The following SGK3 variants were observed in gnomAD, a reference collection of about 807,000 sequenced individuals.
SGK3 encodes serum/glucocorticoid regulated kinase family member 3.
Under a neutral mutation model 68.5 loss-of-function variants are expected in SGK3, and 47 were observed. The ratio of observed to expected loss-of-function variants is 0.69; its 90% CI spans 0.54 to 0.87. SGK3 has a LOEUF of 0.87. SGK3 is among the 40% of genes least tolerant of loss of function. The probability of loss-of-function intolerance (pLI) is 0.00; values close to 1 mark genes in which losing one functional copy is unlikely to be tolerated. For synonymous variants in SGK3, 181 were observed against 189.1 expected, an observed-to-expected ratio of 0.96 and a Z score of 0.35; for missense variants, 479 against 575.5, an observed-to-expected ratio of 0.83 and a Z score of 1.72.
chr8:66,828,603 A>G, intron 6 of SGK3, 51 bp from the exon 7 acceptor site: 1 of 1,607,922 alleles, frequency 6.2e-7, no homozygotes, highest in East Asian at 2.2e-5. Flanking sequence ...AACATTAATT[A>G]ATTTTTGAAG....
chr8:66,831,862 C>T (rs1422051691), intron 8 of SGK3, among the ~76,000 whole-genome samples: 1 of 151,490 alleles, frequency 6.6e-6, no homozygotes, highest in African/African-American at 2.4e-5. Flanking sequence ...TGCCAGATAC[C>T]CTTCTGGGCC....
chr8:66,775,802 G>T (rs1299142244), intron 1 of SGK3, among the ~76,000 whole-genome samples: 1 of 151,562 alleles, frequency 6.6e-6, no homozygotes, highest in Admixed American at 6.6e-5. Context: ...GACAGCAGGG[G>T]TTACGTAGGG....
At chr8:66,733,056 A>G (rs1236782775) in intron 1 of SGK3, among the ~76,000 whole-genome samples, 1 of 152,198 alleles carries the variant, frequency 6.6e-6, no homozygotes, top group African/African-American at 2.4e-5. Context: ...CGAAGTGTGC[A>G]TGGTACATAT....
intron 1 of SGK3, among the ~76,000 whole-genome samples, chr8:66,793,377 T>C (rs961251124): frequency 6.6e-6 from 1 of 152,216 alleles, no homozygotes; most frequent in African/African-American, 2.4e-5. Flanking sequence ...CTAGCCTACG[T>C]GAACTGAGGT....
chr8:66,835,867 CT>C (rs780443232), intron 9 of SGK3, 21 bp downstream of exon 9: 1 of 1,608,822 alleles, frequency 6.2e-7, no homozygotes, highest in African/African-American at 1.3e-5. Flanking sequence ...ATAGTTGTTT[CT>C]CTCAAGCCCA....
intron 14 of SGK3, among the ~76,000 whole-genome samples, chr8:66,846,025 G>C (rs1352688244): frequency 6.6e-6 from 1 of 151,596 alleles, no homozygotes; most frequent in Non-Finnish European, 1.5e-5. Flanking sequence ...TATTTAAAAG[G>C]TAAAAACAAA....
At chr8:66,858,354 T>C (rs1469063957) in intron 16 of SGK3, among the ~76,000 whole-genome samples, 2 of 151,332 alleles carry the variant, frequency 1.3e-5, no homozygotes, top group African/African-American at 2.4e-5. Flanking sequence ...TAGTCCCAGC[T>C]ACTCGGGAGG....
intron 1 of SGK3, among the ~76,000 whole-genome samples, chr8:66,774,250 T>G (rs961708384): frequency 3.9e-5 from 6 of 152,304 alleles, no homozygotes; most frequent in Admixed American, 3.9e-4. Flanking sequence ...TTTCTGAAAT[T>G]TTTGTAATAA....
At chr8:66,713,413 GAA>G (rs1586660701) in intron 1 of SGK3, among the ~76,000 whole-genome samples, 2 of 152,216 alleles carry the variant, frequency 1.3e-5, no homozygotes, top group Non-Finnish European at 1.5e-5. Context: ...CTTGGAAAGA[GAA>G]AAGAGAAAGG....
At chr8:66,813,121 G>A (rs867707261) in intron 4 of SGK3, among the ~76,000 whole-genome samples, 2 of 152,136 alleles carry the variant, frequency 1.3e-5, no homozygotes, top group African/African-American at 4.8e-5. Context: ...AGGCATGGTG[G>A]TGTATGCTTA....
At chr8:66,792,346 A>G (rs1445972348) in intron 1 of SGK3, among the ~76,000 whole-genome samples, 2 of 151,934 alleles carry the variant, frequency 1.3e-5, no homozygotes, top group African/African-American at 2.4e-5. Flanking sequence ...AAAAAAAAAA[A>G]AAGAAATCTT....
At position 66,793,716 on chromosome 8, in the gene SGK3, G is replaced by T; in HGVS notation, c.-21G>T. On this transcript the variant is annotated 5_prime_UTR_variant, in exon 2 of 17. Transcript: ENST00000521198. Reference sequence around the variant, plus strand: ...GACTGTTTCTTCGGATGCATTTTTTGGTGTGCTCTTGAGGGATTAAATGCA... The same window carrying T: ...GACTGTTTCTTCGGATGCATTTTTTTGTGTGCTCTTGAGGGATTAAATGCA... 1 of 1,602,762 alleles carries T rather than the reference G, an allele frequency of 6.2e-7. No individual in the cohort carries two copies.
intron 6 of SGK3, among the ~76,000 whole-genome samples, chr8:66,827,532 T>G (rs913175087): frequency 6.6e-6 from 1 of 152,050 alleles, no homozygotes; most frequent in Non-Finnish European, 1.5e-5. Flanking sequence ...TATAACTGAT[T>G]TAATTATCTG....
intron 2 of SGK3, among the ~76,000 whole-genome samples, chr8:66,794,200 A>C (rs1489119019): frequency 6.6e-6 from 1 of 152,156 alleles, no homozygotes; most frequent in East Asian, 1.9e-4. Flanking sequence ...ACTGTCCTGA[A>C]ATGTTTATAG....
At position 66,791,729 on chromosome 8, in the gene SGK3, C is replaced by A. The variant is rs569295082; in HGVS notation, c.-121-1887C>A. On this transcript the variant is annotated intron_variant, in intron 1 of 16. Transcript: ENST00000521198. ...GAGGTGTGGAAAGTGTAGCTCATAA[C>A]CTTCACCTTCTGAATGTCTCTGCTG... Among the ~76,000 whole-genome samples, 12 of 152,288 alleles carry A rather than the reference C, an allele frequency of 7.9e-5. No homozygotes were observed. In the South Asian group the frequency reaches 2.3e-3, roughly 29 times the overall value.
Position 66,843,511 on chromosome 8 carries a change from C to A in SGK3, c.1038C>A (p.Cys346Ter), listed in dbSNP as rs1169269391. Reference protein sequence around the residue: ...QPYDNTVDWWCLGAVLYEMLY... With the variant: ...QPYDNTVDWW The stretch of plus-strand genomic sequence containing the variant: ...ATGACAATACTGTAGATTGGTGGTG[C>A]CTTGGGGCTGTTCTGTATGAAATGC... The change falls in exon 14 of 17, where the codon TGC becomes TGA. Residue 346 changes from cysteine to a stop codon, truncating the protein, a stop_gained. Coordinates refer to ENST00000521198, the MANE Select transcript of SGK3 (RefSeq NM_001033578.3). LOFTEE classifies it high-confidence loss of function. 6.2e-7 allele frequency: 1 copy of A among 1,613,820 alleles called. No homozygotes were observed. Among genetic ancestry groups the A allele is most frequent in the South Asian group, 1.1e-5 (1 of 91,050 alleles).
chr8:66,733,629 A>T (rs1805231552), intron 1 of SGK3, among the ~76,000 whole-genome samples: 1 of 152,198 alleles, frequency 6.6e-6, no homozygotes, highest in African/African-American at 2.4e-5. Flanking sequence ...TAGATTCACT[A>T]ATTTCAGTAA....
intron 1 of SGK3, among the ~76,000 whole-genome samples, chr8:66,757,521 C>T (rs997783762): frequency 2.6e-5 from 4 of 151,904 alleles, no homozygotes; most frequent in African/African-American, 9.7e-5. Flanking sequence ...GAACTCCTTA[C>T]ACTCCTAAAA....
intron 1 of SGK3, among the ~76,000 whole-genome samples, chr8:66,779,563 T>TGA (rs1447529267): frequency 1.5e-4 from 4 of 27,438 alleles, no homozygotes; most frequent in Non-Finnish European, 3.0e-4. Flanking sequence ...TGTGTGTGAA[T>TGA]ATATATATAT....
Sources: gnomAD v4.1 joint callset for allele counts (sites outside exome capture counted in the v4.1 genomes callset) on GRCh38, gnomAD v4.1.1 for gene constraint, MANE v1.5 for transcripts, NCBI Gene and HGNC (gene_info 2026-07-23, HGNC 2026-07-21) for gene names.